HTR2C: variants seen among roughly 807,000 people sequenced by gnomAD.
The protein encoded by HTR2C is 5-hydroxytryptamine receptor 2C, also known as 5-hydroxytryptamine (serotonin) receptor 2C, G protein-coupled.
A neutral mutation model predicts 21.0 loss-of-function variants in HTR2C; 5 were observed. The ratio of observed to expected loss-of-function variants is 0.24; its 90% CI spans 0.12 to 0.50. HTR2C has a LOEUF of 0.50. Among genes scored for constraint, HTR2C ranks in the 20% least tolerant of loss-of-function variants. The pLI is 0.98. For missense variants in HTR2C, 271 were observed against 371.2 expected (o/e 0.73, Z 2.22); for synonymous variants, 150 against 145.3 (o/e 1.03, Z -0.23).
chrX:114,649,222 T>A (rs1438404707), intron 2 of HTR2C, among the ~76,000 whole-genome samples: 1 of 112,550 alleles, frequency 8.9e-6, no homozygotes, highest in Non-Finnish European at 1.9e-5. Context: ...ATATTTTTAT[T>A]TGTCAAATTC....
At chrX:114,600,763 A>T (rs1175611709) in intron 1 of HTR2C, among the ~76,000 whole-genome samples, 9 of 111,219 alleles carry the variant, frequency 8.1e-5, no homozygotes, top group African/African-American at 2.6e-4. Flanking sequence ...TTCATATATA[A>T]TAGTAATATA....
intron 1 of HTR2C, chrX:114,589,699 G>A: frequency 7.6e-6 from 2 of 263,487 alleles, no homozygotes; most frequent in Admixed American, 3.9e-5. Flanking sequence ...AGTACAAGAA[G>A]GGCAAAGATT....
intron 4 of HTR2C, among the ~76,000 whole-genome samples, chrX:114,764,913 T>C (rs868932478): frequency 1.4e-5 from 1 of 72,431 alleles, no homozygotes; most frequent in Non-Finnish European, 2.7e-5. Context: ...CTTTCTTTCT[T>C]TCTTTCTTTC....
chrX:114,860,481 T>C (rs1556472588), intron 5 of HTR2C, among the ~76,000 whole-genome samples: 1 of 111,221 alleles, frequency 9.0e-6, no homozygotes, highest in African/African-American at 3.3e-5. Context: ...ACAGGCTCTG[T>C]CTTTATATTT....
chrX:114,668,789 C>T (rs1422061370), intron 2 of HTR2C, among the ~76,000 whole-genome samples: 2 of 111,058 alleles, frequency 1.8e-5, no homozygotes, highest in Non-Finnish European at 3.8e-5. Context: ...TATATAGCCA[C>T]AGTTTTTCCT....
chrX:114,589,376 A>G (rs1927535550), intron 1 of HTR2C, among the ~76,000 whole-genome samples: 1 of 111,760 alleles, frequency 8.9e-6, no homozygotes, highest in African/African-American at 3.3e-5. Context: ...AAATGAAGTC[A>G]GGGAAATAAT....
intron 4 of HTR2C, among the ~76,000 whole-genome samples, chrX:114,821,814 G>A (rs2070635174): frequency 9.1e-6 from 1 of 110,417 alleles, no homozygotes; most frequent in African/African-American, 3.3e-5. Context: ...GCACCTAGGA[G>A]AGTTAGCAAA....
intron 4 of HTR2C, among the ~76,000 whole-genome samples, chrX:114,802,890 C>T (rs1371039376): frequency 3.3e-5 from 2 of 60,738 alleles, no homozygotes; most frequent in East Asian, 7.1e-4. Flanking sequence ...CCTCCCCCCA[C>T]CCCACAACAG....
At chrX:114,646,577 C>T (rs1157131141) in intron 2 of HTR2C, among the ~76,000 whole-genome samples, 1 of 112,011 alleles carries the variant, frequency 8.9e-6, no homozygotes, top group Admixed American at 9.5e-5. Context: ...CCCTTTTGGC[C>T]ATTTGTATTT....
At position 114,906,641 on chromosome X, in the gene HTR2C, C is replaced by T. The variant is rs2071375053; in HGVS notation, c.603C>T (p.Phe201=). 3 of 1,210,147 alleles carry T rather than the reference C, an allele frequency of 2.5e-6. No individual in the cohort carries two copies. The highest frequency in any genetic ancestry group is 3.4e-6 in the Non-Finnish European group (3 of 894,636). ...VIGLRDEEKV[F]VNNTTCVLND... ...GACTGAGGGACGAAGAAAAGGTGTT[C>T]GTGAACAACACGACGTGCGTGCTCA... Residue 201 remains phenylalanine (F), a synonymous_variant, in exon 6 of 6, where the codon TTC becomes TTT. Transcript: ENST00000276198.
intron 1 of HTR2C, among the ~76,000 whole-genome samples, chrX:114,604,156 G>A (rs1556395923): frequency 9.2e-6 from 1 of 108,777 alleles, no homozygotes; most frequent in East Asian, 3.0e-4. Flanking sequence ...TAAGGTGGGG[G>A]GATACAAGAG....
chrX:114,815,014 A>G (rs192448297), intron 4 of HTR2C, among the ~76,000 whole-genome samples: 149 of 104,042 alleles, frequency 1.4e-3, no homozygotes, highest in African/African-American at 4.8e-3. Flanking sequence ...ATAATACTTT[A>G]TACATAGTAT....
chrX:114,732,744 G>A (rs1270077030), intron 4 of HTR2C, among the ~76,000 whole-genome samples: 3 of 111,300 alleles, frequency 2.7e-5, no homozygotes, highest in Non-Finnish European at 5.7e-5. Context: ...TTACTGGAAT[G>A]AAGTGAAACT....
intron 4 of HTR2C, among the ~76,000 whole-genome samples, chrX:114,752,926 A>C (rs1556428558): frequency 9.0e-6 from 1 of 111,716 alleles, no homozygotes; most frequent in African/African-American, 3.2e-5. Flanking sequence ...ATAACTATTA[A>C]AAATACATGA....
At chrX:114,861,382 A>G (rs1181232847) in intron 5 of HTR2C, among the ~76,000 whole-genome samples, 1 of 111,186 alleles carries the variant, frequency 9.0e-6, no homozygotes, top group Non-Finnish European at 1.9e-5. Flanking sequence ...ACAGTATTCC[A>G]TTGTGTATAC....
At chrX:114,675,025 T>C (rs1431867092) in intron 2 of HTR2C, among the ~76,000 whole-genome samples, 1 of 112,445 alleles carries the variant, frequency 8.9e-6, no homozygotes, top group African/African-American at 3.2e-5. Flanking sequence ...TCTCAGGCAC[T>C]GGGCCAGTTG....
chrX:114,738,689 G>T (rs1424249678), intron 4 of HTR2C, among the ~76,000 whole-genome samples: 1 of 110,785 alleles, frequency 9.0e-6, no homozygotes, highest in Non-Finnish European at 1.9e-5. Context: ...CCTAATGCAT[G>T]CAGGGCTTAA....
intron 4 of HTR2C, among the ~76,000 whole-genome samples, chrX:114,782,779 A>G (rs1556440939): frequency 8.9e-6 from 1 of 111,897 alleles, no homozygotes; most frequent in African/African-American, 3.2e-5. Context: ...ATAAAATACA[A>G]GGCAAGAATA....
intron 2 of HTR2C, among the ~76,000 whole-genome samples, chrX:114,649,423 C>T (rs963193116): frequency 9.0e-6 from 1 of 111,054 alleles, no homozygotes. Flanking sequence ...TACAAAGAAA[C>T]ACAGTGTTTA....
Sources: gnomAD v4.1 joint callset for allele counts (sites outside exome capture counted in the v4.1 genomes callset) on GRCh38, gnomAD v4.1.1 for gene constraint, MANE v1.5 for transcripts, NCBI Gene and HGNC (gene_info 2026-07-23, HGNC 2026-07-21) for gene names.